The following MRNIP variants were observed in gnomAD, a reference collection of about 807,000 sequenced individuals.
MRNIP encodes MRN complex-interacting protein.
A neutral mutation model predicts 29.8 loss-of-function variants in MRNIP; 30 were observed. The observed-to-expected ratio is 1.01, with a 90% CI of 0.75 to 1.36. The LOEUF (loss-of-function observed/expected upper bound fraction) is 1.36. Ranked by LOEUF, MRNIP falls within the 40% of genes most tolerant of loss-of-function variation. The pLI is 0.00. For missense variants in MRNIP, 459 were observed against 423.5 expected (o/e 1.08, Z -0.74); for synonymous variants, 201 against 164.1 (o/e 1.23, Z -1.72).
chr5:179,858,134 T>A (rs1318163201), intron 1 of MRNIP, among the ~76,000 whole-genome samples: 2 of 152,172 alleles, frequency 1.3e-5, no homozygotes, highest in South Asian at 4.1e-4. Context: ...TTAAGTGATA[T>A]CAAGCAGGGA....
chr5:179,841,754 A>G, intron 5 of MRNIP, 153 bp downstream of exon 5: 1 of 778,236 alleles, frequency 1.3e-6, no homozygotes, highest in Non-Finnish European at 2.1e-6. Flanking sequence ...CTGTGGGGCC[A>G]GCAGTGGCAG....
At chr5:179,840,578 G>A (rs561584551) in intron 6 of MRNIP, 11 of 537,582 alleles carry the variant, frequency 2.0e-5, no homozygotes, top group African/African-American at 9.6e-5. Flanking sequence ...AGAATGAGAC[G>A]ATGGCCCTGA....
At chr5:179,858,619 C>T in intron 1 of MRNIP, 112 bp downstream of exon 1, 1 of 678,760 alleles carries the variant, frequency 1.5e-6, no homozygotes, top group South Asian at 2.0e-5. Flanking sequence ...TCCCTGCACT[C>T]CTTCGGGCCC....
At chr5:179,848,558 T>A (rs944681909) in intron 2 of MRNIP, among the ~76,000 whole-genome samples, 1 of 152,062 alleles carries the variant, frequency 6.6e-6, no homozygotes, top group Non-Finnish European at 1.5e-5. Flanking sequence ...CATCTTGGGG[T>A]AGACAATACA....
intron 2 of MRNIP, 98 bp downstream of exon 2, chr5:179,853,280 T>C: frequency 6.3e-7 from 1 of 1,598,586 alleles, no homozygotes; most frequent in East Asian, 2.2e-5. Context: ...GGGAACTCTG[T>C]TTGAGAGAGG....
intron 2 of MRNIP, among the ~76,000 whole-genome samples, chr5:179,852,376 G>T (rs1759410574): frequency 6.6e-6 from 1 of 152,086 alleles, no homozygotes; most frequent in East Asian, 1.9e-4. Context: ...GGATAAAGAG[G>T]TTTTTGTGAA....
chr5:179,844,463 T>C (rs1000437136), intron 3 of MRNIP: 10 of 448,480 alleles, frequency 2.2e-5, no homozygotes, highest in Non-Finnish European at 4.0e-5. Context: ...CCAAGATTGC[T>C]GGAAGATGGA....
chr5:179,840,384 G>A (rs527999798), intron 6 of MRNIP: 2 of 165,538 alleles, frequency 1.2e-5, no homozygotes, highest in Admixed American at 6.3e-5. Context: ...ACTCCAGCCT[G>A]GGTAGACAGA....
At chr5:179,842,614 G>T (rs1239822716) in intron 4 of MRNIP, among the ~76,000 whole-genome samples, 2 of 144,430 alleles carry the variant, frequency 1.4e-5, no homozygotes, top group African/African-American at 2.6e-5. Context: ...GCAGGAGAAT[G>T]GTGTGAACCC....
chr5:179,856,278 A>G (rs1759578000), intron 1 of MRNIP, among the ~76,000 whole-genome samples: 1 of 152,130 alleles, frequency 6.6e-6, no homozygotes, highest in South Asian at 2.1e-4. Context: ...CTGCTGAGAT[A>G]GTATGGTTCT....
At chr5:179,843,059 A>AAGGAAGGGAGGAAGGGAGGG (rs1230506135) in intron 4 of MRNIP, among the ~76,000 whole-genome samples, 1 of 119,892 alleles carries the variant, frequency 8.3e-6, no homozygotes, top group Non-Finnish European at 1.8e-5. Context: ...GGAAGGAAGG[A>AAGGAAGGGAGGAAGGGAGGG]AGGGAGGGAG....
Position 179,840,486 on chromosome 5 carries a change from G to A in MRNIP, c.537+386C>T, listed in dbSNP as rs556429306. On this transcript the variant is annotated intron_variant, in intron 6 of 6. Coordinates refer to ENST00000292586, the MANE Select transcript of MRNIP (RefSeq NM_016175.4). ...CAAGAGTCCACAGCAGGGCAAATGC[G>A]AGTGTGGAGGGAAGCATCTCCCAGG... The A allele has an allele frequency of 4.1e-5, 15 of 364,870 alleles. No homozygotes were observed. In the East Asian group the frequency reaches 4.7e-4, roughly 11 times the overall value. The allele number at this position is 364,870 out of a possible 1,614,324, so 22.6% of individuals were successfully genotyped here. A position where few individuals can be genotyped will look rare whatever the true frequency, so the allele number is the denominator to read the frequency against.
chr5:179,844,081 C>G, intron 4 of MRNIP, 71 bp downstream of exon 4: 1 of 1,274,260 alleles, frequency 7.8e-7, no homozygotes, highest in Non-Finnish European at 1.1e-6. Context: ...ATAATGACTA[C>G]TGGATACATC....
intron 6 of MRNIP, chr5:179,838,175 G>T: frequency 4.1e-6 from 2 of 482,744 alleles, no homozygotes; most frequent in Non-Finnish European, 7.5e-6. Context: ...CAGGTTACCG[G>T]TGCCTACAAA....
At chr5:179,853,126 GT>G in intron 2 of MRNIP, 1 of 1,042,364 alleles carries the variant, frequency 9.6e-7, no homozygotes, top group South Asian at 1.5e-5. Flanking sequence ...ACTTTCCACT[GT>G]TCCCCTTGTG....
In MRNIP at chr5:179,837,890, AAG is replaced by A. The variant is rs745365806; in HGVS notation, c.538-7_538-6del. ...CCATGTCAGGCCAGCCTGTCCCTGA[AAG>A]AGAAGATGGCCATGCCCTCCATGTG... On this transcript the variant is annotated splice_region_variant and splice_polypyrimidine_tract_variant and intron_variant, in intron 6 of 6. Coordinates refer to ENST00000292586, the MANE Select transcript of MRNIP (RefSeq NM_016175.4). 9.0e-5 allele frequency: 144 copies of A among 1,600,886 alleles called. No homozygotes were observed. The African/African-American group carries it at 1.4e-3, about 15-fold the overall frequency.
Position 179,841,900 on chromosome 5 carries a change from T to C in MRNIP, c.449+7A>G, listed in dbSNP as rs760399063. ...GGCCAGGGCTGGAACGGAGACGCAC[T>C]TGGTACCTTTTTCTAGGCAGGTCTT... On this transcript the variant is annotated splice_region_variant and intron_variant, in intron 5 of 6. Coordinates refer to ENST00000292586, the MANE Select transcript of MRNIP (RefSeq NM_016175.4). The C allele has an allele frequency of 1.2e-6, 2 of 1,613,298 alleles. No individual in the cohort carries two copies. The highest frequency in any genetic ancestry group is 2.2e-5 in the South Asian group (2 of 91,006).
rs774468810 is a variant in MRNIP at position 179,837,733 on chromosome 5, C to T, written c.690G>A (p.Ala230=). ...TTTTTCTAGGTGGCAGGACAAATTG[C>T]GCCCATTTAGAGGATGTGGCTGTAA... ...QQVTATSSKW[A]QFVLPPRKSS... Residue 230 remains alanine (A), a synonymous_variant, in exon 7 of 7, where the codon GCG becomes GCA. Transcript: ENST00000292586. 13 of 1,614,128 alleles carry T rather than the reference C, an allele frequency of 8.1e-6. No homozygotes were observed. Among genetic ancestry groups the T allele is most frequent in the Middle Eastern group, 1.6e-4 (1 of 6,082 alleles).
At chr5:179,855,595 G>C (rs1441420897) in intron 1 of MRNIP, among the ~76,000 whole-genome samples, 2 of 152,292 alleles carry the variant, frequency 1.3e-5, no homozygotes, top group South Asian at 2.1e-4. Context: ...TTGATAAAGA[G>C]TCCATTTATA....
Sources: gnomAD v4.1 joint callset for allele counts (sites outside exome capture counted in the v4.1 genomes callset) on GRCh38, gnomAD v4.1.1 for gene constraint, MANE v1.5 for transcripts, NCBI Gene and HGNC (gene_info 2026-07-23, HGNC 2026-07-21) for gene names.